Variants in SNAP91 observed in about 807,000 individuals in gnomAD.
SNAP91 encodes the protein clathrin coat assembly protein AP180.
Under a neutral mutation model 100.3 loss-of-function variants are expected in SNAP91, and 27 were observed. The observed-to-expected ratio is 0.27, with a 90% CI of 0.20 to 0.37. The LOEUF (loss-of-function observed/expected upper bound fraction) is 0.37, where lower values mean the gene tolerates loss of function less well. Ranked by LOEUF, SNAP91 falls within the 10% of genes least tolerant of loss-of-function variation. The pLI, the probability that SNAP91 is intolerant of heterozygous loss-of-function variation, is 1.00. For synonymous variants in SNAP91, 404 were observed against 398.6 expected (o/e 1.01, Z -0.16); for missense variants, 986 against 1,123.7 (o/e 0.88, Z 1.75).
At chr6:83,601,920 A>G (rs1170168463) in intron 14 of SNAP91, among the ~76,000 whole-genome samples, 2 of 152,194 alleles carry the variant, frequency 1.3e-5, no homozygotes, top group Admixed American at 6.5e-5. Flanking sequence ...ATATGATCAC[A>G]TAATATTGAT....
At chr6:83,599,346 C>T (rs981609131) in intron 16 of SNAP91, among the ~76,000 whole-genome samples, 5 of 152,100 alleles carry the variant, frequency 3.3e-5, no homozygotes, top group Non-Finnish European at 4.4e-5. Context: ...ACAGCTAAGG[C>T]GTAGAAATGT....
chr6:83,596,639 C>G (rs764839030), intron 16 of SNAP91, among the ~76,000 whole-genome samples: 17 of 148,430 alleles, frequency 1.1e-4, no homozygotes, highest in Admixed American at 2.7e-4. Flanking sequence ...GTTCTCATCA[C>G]AAACAATAAG....
At chr6:83,624,736 TC>T (rs1041717832) in intron 8 of SNAP91, among the ~76,000 whole-genome samples, 8 of 152,028 alleles carry the variant, frequency 5.3e-5, no homozygotes, top group African/African-American at 1.9e-4. Flanking sequence ...CTAAATGCTA[TC>T]CTTTGAGGAG....
intron 16 of SNAP91, among the ~76,000 whole-genome samples, chr6:83,596,297 A>G (rs2128220327): frequency 6.6e-6 from 1 of 152,322 alleles, no homozygotes; most frequent in African/African-American, 2.4e-5. Context: ...ACATCAAGGG[A>G]TAGAGTAGGC....
At position 83,610,677 on chromosome 6, in the gene SNAP91, T is replaced by A. The variant is rs1409623746; in HGVS notation, c.885A>T (p.Gly295=). 1.9e-6 allele frequency: 1 copy of A among 538,378 alleles called. No homozygotes were observed. Among genetic ancestry groups the A allele is most frequent in the African/African-American group, 2.1e-5 (1 of 47,836 alleles). The allele number at this position is 538,378 out of a possible 1,614,324, so 33.4% of individuals were successfully genotyped here. A position where few individuals can be genotyped will look rare whatever the true frequency, so the allele number is the denominator to read the frequency against. The change falls in exon 12 of 30, where the codon GGA becomes GGT. Residue 295 remains glycine (G), a splice_region_variant and synonymous_variant. Coordinates refer to ENST00000369694, the MANE Select transcript of SNAP91 (RefSeq NM_001242792.2). ...LEGKKPGNNE[G]SGAPSPLSKS... ...TACTTAATGGAGAGGGAGCACCAGA[T>A]CTAAAAGGCAACATAAAAAAAAATT...
At chr6:83,673,743 C>A (rs1012509235) in intron 2 of SNAP91, among the ~76,000 whole-genome samples, 5 of 152,182 alleles carry the variant, frequency 3.3e-5, no homozygotes, top group African/African-American at 1.2e-4. Context: ...CTCTTCTTTG[C>A]CAGCAGAATC....
At chr6:83,665,050 G>T (rs1024621578) in intron 3 of SNAP91, among the ~76,000 whole-genome samples, 1 of 152,016 alleles carries the variant, frequency 6.6e-6, no homozygotes, top group Non-Finnish European at 1.5e-5. Context: ...ATTAAGATAT[G>T]TACTTTTTTT....
intron 24 of SNAP91, among the ~76,000 whole-genome samples, chr6:83,580,110 T>A (rs984785796): frequency 3.3e-5 from 5 of 152,208 alleles, no homozygotes; most frequent in African/African-American, 1.2e-4. Context: ...TTCATGTAAG[T>A]TACCCTATGT....
At chr6:83,576,075 A>AAGAATGTAAATC in intron 24 of SNAP91, 22 bp from the exon 25 acceptor site, 1 of 1,225,488 alleles carries the variant, frequency 8.2e-7, no homozygotes, top group Non-Finnish European at 1.1e-6. Flanking sequence ...TAAAAGAAAA[A>AAGAATGTAAATC]AGAATGTAAA....
chr6:83,590,958 G>A (rs1203829452), intron 22 of SNAP91, among the ~76,000 whole-genome samples: 1 of 143,722 alleles, frequency 7.0e-6, no homozygotes, highest in African/African-American at 2.9e-5. Context: ...TTTTAGATTT[G>A]GGGGGGCAAG....
chr6:83,620,777 T>C (rs945307926), intron 9 of SNAP91, among the ~76,000 whole-genome samples: 1 of 152,020 alleles, frequency 6.6e-6, no homozygotes, highest in African/African-American at 2.4e-5. Flanking sequence ...AGTGGCGCGA[T>C]CTCGGCTCAC....
At position 83,665,521 on chromosome 6, in the gene SNAP91, A is replaced by G. The variant is rs1270020915; in HGVS notation, c.191T>C (p.Phe64Ser). Residue 64 changes from phenylalanine to serine, a missense_variant, in exon 3 of 30, where the codon TTT becomes TCT. By Grantham distance (155) the Phe-to-Ser change is radical. Coordinates refer to ENST00000369694, the MANE Select transcript of SNAP91 (RefSeq NM_001242792.2). ...VNIPQMADTL[F>S]ERATNSSWVV... ...CCAGCTACTGTTTGTTGCCCGCTCA[A>G]AGAGAGTGTCGGCCATCTGAGGAAT... The G allele has an allele frequency of 5.6e-6, 9 of 1,613,016 alleles. No individual in the cohort carries two copies. The highest frequency in any genetic ancestry group is 1.1e-5 in the South Asian group (1 of 91,038).
At chr6:83,577,989 C>A (rs1048631624) in intron 24 of SNAP91, among the ~76,000 whole-genome samples, 1 of 152,074 alleles carries the variant, frequency 6.6e-6, no homozygotes, top group Admixed American at 6.6e-5. Context: ...TAGTCTTTTG[C>A]GACCGACTTC....
intron 7 of SNAP91, among the ~76,000 whole-genome samples, chr6:83,646,357 A>G (rs2097917233): frequency 6.6e-6 from 1 of 152,084 alleles, no homozygotes; most frequent in Non-Finnish European, 1.5e-5. Flanking sequence ...ATAGTTTTGC[A>G]TTTTACATTT....
intron 2 of SNAP91, among the ~76,000 whole-genome samples, chr6:83,668,088 C>G: frequency 6.6e-6 from 1 of 152,156 alleles, no homozygotes; most frequent in Non-Finnish European, 1.5e-5. Context: ...AAATGCTCAT[C>G]ATTACTGGCC....
intron 26 of SNAP91, among the ~76,000 whole-genome samples, chr6:83,571,781 G>A (rs767071960): frequency 2.6e-5 from 4 of 152,160 alleles, no homozygotes; most frequent in Non-Finnish European, 4.4e-5. Context: ...GAGGGGCCGG[G>A]AGCAGAATGA....
intron 8 of SNAP91, among the ~76,000 whole-genome samples, chr6:83,640,384 C>T (rs1342344690): frequency 6.6e-6 from 1 of 152,078 alleles, no homozygotes; most frequent in Admixed American, 6.5e-5. Context: ...TACAACATTC[C>T]AATCAGTTCC....
chr6:83,575,458 G>T (rs998232005), intron 25 of SNAP91: 1 of 273,106 alleles, frequency 3.7e-6, no homozygotes, highest in Non-Finnish European at 6.9e-6. Flanking sequence ...TGTACACTTC[G>T]ATTTTGTTGA....
intron 11 of SNAP91, among the ~76,000 whole-genome samples, chr6:83,613,347 A>G (rs923540960): frequency 2.0e-5 from 3 of 152,226 alleles, no homozygotes; most frequent in Non-Finnish European, 4.4e-5. Flanking sequence ...TTGAATTTTT[A>G]TATTAGAATA....
Sources: gnomAD v4.1 joint callset for allele counts (sites outside exome capture counted in the v4.1 genomes callset) on GRCh38, gnomAD v4.1.1 for gene constraint, MANE v1.5 for transcripts, NCBI Gene and HGNC (gene_info 2026-07-23, HGNC 2026-07-21) for gene names.